The following KCNMA1 variants were observed in gnomAD, a reference collection of about 807,000 sequenced individuals.
KCNMA1 encodes the protein potassium calcium-activated channel subfamily M alpha 1, also known as Calcium-activated potassium channel subunit alpha-1.
A neutral mutation model predicts 140.0 loss-of-function variants in KCNMA1; 29 were observed. The ratio of observed to expected loss-of-function variants is 0.21; its 90% CI spans 0.15 to 0.28. The LOEUF is 0.28. KCNMA1 is among the 10% of genes least tolerant of loss of function. The pLI is 1.00. For synonymous variants in KCNMA1, 612 were observed against 611.9 expected, an observed-to-expected ratio of 1.00 and a Z score of 0.00; for missense variants, 880 against 1,602.2, an observed-to-expected ratio of 0.55 and a Z score of 7.70.
chr10:77,378,822 T>G (rs1252925318), intron 2 of KCNMA1, among the ~76,000 whole-genome samples: 1 of 152,164 alleles, frequency 6.6e-6, no homozygotes, highest in Non-Finnish European at 1.5e-5. Flanking sequence ...ATAAACAAAT[T>G]TATAATCACA....
intron 16 of KCNMA1, among the ~76,000 whole-genome samples, chr10:77,025,784 A>C (rs1251231467): frequency 6.6e-6 from 1 of 152,120 alleles, no homozygotes; most frequent in Non-Finnish European, 1.5e-5. Context: ...AGATTTTAAA[A>C]AATGTGTGTT....
At chr10:77,295,787 CAAAAAAAAAAAAAAAAA>C (rs36034012) in intron 2 of KCNMA1, among the ~76,000 whole-genome samples, 2 of 43,246 alleles carry the variant, frequency 4.6e-5, no homozygotes, top group Admixed American at 3.6e-4. Context: ...GACTCCGTCT[CAAAAAAAAAAAAAAAAA>C]AAAAAAAAAA....
intron 1 of KCNMA1, among the ~76,000 whole-genome samples, chr10:77,545,006 G>A (rs548403075): frequency 6.6e-6 from 1 of 152,250 alleles, no homozygotes; most frequent in South Asian, 2.1e-4. Context: ...TTCTGCAGGT[G>A]CAAAATGTAC....
intron 5 of KCNMA1, among the ~76,000 whole-genome samples, chr10:77,162,113 T>A (rs1288642096): frequency 1.3e-5 from 2 of 152,226 alleles, no homozygotes; most frequent in Non-Finnish European, 1.5e-5. Flanking sequence ...TACTAAATAT[T>A]GGCACTCTTG....
rs569607687 is a variant in KCNMA1 at position 77,089,221 on chromosome 10, G to A, written c.1334+1179C>T. Reference sequence around the variant, plus strand: ...AAGTCAGAAGTCTAGCATTCTGTGAGCAAATGCCAGAGGACGACGATCCAC... The same window carrying A: ...AAGTCAGAAGTCTAGCATTCTGTGAACAAATGCCAGAGGACGACGATCCAC... On this transcript the variant is annotated intron_variant, in intron 10 of 27. Coordinates refer to ENST00000286628, the MANE Select transcript of KCNMA1 (RefSeq NM_001161352.2). Among the ~76,000 whole-genome samples the A allele has an allele frequency of 2.0e-5, 3 of 152,310 alleles. No individual in the cohort carries two copies. The East Asian group carries it at 5.8e-4, about 29-fold the overall frequency.
At position 76,885,093 on chromosome 10, in the gene KCNMA1, T is replaced by G. The variant is rs2036248000; in HGVS notation, c.*2173A>C. The G allele has an allele frequency of 1.3e-6, 2 of 1,537,684 alleles. No individual in the cohort carries two copies. Among genetic ancestry groups the G allele is most frequent in the Admixed American group, 4.1e-5 (2 of 49,254 alleles). ...CATATTTCCTGTTGAGCACTTTAAC[T>G]GGCACATTCTTATAGTTATAAATGT... On this transcript the variant is annotated 3_prime_UTR_variant, in exon 28 of 28. Coordinates refer to ENST00000286628, the MANE Select transcript of KCNMA1 (RefSeq NM_001161352.2).
At chr10:77,494,239 C>T (rs935803969) in intron 1 of KCNMA1, among the ~76,000 whole-genome samples, 16 of 152,126 alleles carry the variant, frequency 1.1e-4, no homozygotes, top group African/African-American at 1.7e-4. Flanking sequence ...TCTGGCATTT[C>T]GCCAATTGGA....
At chr10:77,463,640 A>G (rs1173921589) in intron 1 of KCNMA1, among the ~76,000 whole-genome samples, 1 of 152,130 alleles carries the variant, frequency 6.6e-6, no homozygotes. Flanking sequence ...TCAAATCTCC[A>G]TGGAACAGGG....
chr10:77,481,042 T>C lies in KCNMA1; in HGVS notation c.379-77019A>G, dbSNP rs530731911. Among the ~76,000 whole-genome samples the C allele has an allele frequency of 1.3e-3, 195 of 147,976 alleles. 2 individuals are homozygous for C. Among genetic ancestry groups the C allele is most frequent in the African/African-American group, 4.8e-3 (191 of 40,024 alleles). On this transcript the variant is annotated intron_variant, in intron 1 of 27. Transcript: ENST00000286628. ...GGCTAAGGCAGGAGAATCTCGAACC[T>C]GGAAGGGGGAGGTTCCAGTGAGCTG... is the stretch of plus-strand genomic sequence containing the variant.
At chr10:77,107,659 G>T (rs1224632717) in intron 9 of KCNMA1, among the ~76,000 whole-genome samples, 1 of 152,184 alleles carries the variant, frequency 6.6e-6, no homozygotes, top group Admixed American at 6.5e-5. Context: ...TTCCCGAGAA[G>T]AAAGCATTCA....
intron 1 of KCNMA1, among the ~76,000 whole-genome samples, chr10:77,425,854 A>G (rs1048762712): frequency 7.9e-5 from 12 of 152,156 alleles, no homozygotes; most frequent in Admixed American, 2.0e-4. Flanking sequence ...GAGCACTTCA[A>G]ATAGGCACCT....
At chr10:77,175,493 AC>A (rs1169688845) in intron 5 of KCNMA1, among the ~76,000 whole-genome samples, 2 of 152,222 alleles carry the variant, frequency 1.3e-5, no homozygotes, top group African/African-American at 4.8e-5. Context: ...TGTTCCAGGT[AC>A]TAGGGACATA....
chr10:77,152,984 C>T (rs975308654), intron 5 of KCNMA1, among the ~76,000 whole-genome samples: 5 of 152,150 alleles, frequency 3.3e-5, no homozygotes, highest in Non-Finnish European at 5.9e-5. Context: ...CCCACTAAGG[C>T]CCCTGGAGCC....
chr10:76,987,483 C>T (rs2081593328), intron 19 of KCNMA1, among the ~76,000 whole-genome samples: 1 of 152,270 alleles, frequency 6.6e-6, no homozygotes, highest in South Asian at 2.1e-4. Context: ...CTTTTTGTTA[C>T]AATTACTCAG....
chr10:77,227,283 T>C (rs1286390046), intron 3 of KCNMA1, among the ~76,000 whole-genome samples: 1 of 152,222 alleles, frequency 6.6e-6, no homozygotes, highest in Non-Finnish European at 1.5e-5. Flanking sequence ...AATGTCTGAT[T>C]AAACCCAGGT....
intron 17 of KCNMA1, chr10:77,012,468 A>G (rs1593574573): frequency 6.5e-7 from 1 of 1,550,252 alleles, no homozygotes; most frequent in Non-Finnish European, 8.7e-7. Flanking sequence ...GGGCAGAAGT[A>G]TGTCGTTTCT....
At chr10:76,889,307 A>G (rs1044058939) in intron 27 of KCNMA1, 144 bp downstream of exon 27, 6 of 676,240 alleles carry the variant, frequency 8.9e-6, no homozygotes, top group African/African-American at 7.1e-5. Context: ...ATCACCTCCA[A>G]ACTCAGTGTT....
intron 9 of KCNMA1, among the ~76,000 whole-genome samples, chr10:77,094,441 G>C (rs556428238): frequency 6.6e-6 from 1 of 152,264 alleles, no homozygotes; most frequent in Non-Finnish European, 1.5e-5. Flanking sequence ...CATGGTGGAG[G>C]GGGTGTTGGA....
At chr10:77,634,088 G>C in intron 1 of KCNMA1, 3 of 890,776 alleles carry the variant, frequency 3.4e-6, no homozygotes, top group Non-Finnish European at 4.0e-6. Flanking sequence ...CACAAGGAAA[G>C]ATAGACACCA....
Sources: allele counts gnomAD v4.1 joint callset (sites outside exome capture counted in the v4.1 genomes callset), GRCh38; gene constraint gnomAD v4.1.1; transcripts MANE v1.5; gene names NCBI Gene and HGNC (gene_info 2026-07-23, HGNC 2026-07-21).